The following PHC3 variants were observed in gnomAD, a reference collection of about 807,000 sequenced individuals.
PHC3 encodes the protein polyhomeotic-like protein 3.
Under a neutral mutation model 107.4 loss-of-function variants are expected in PHC3, and 13 were observed. That is an observed-to-expected ratio of 0.12 (90% CI 0.08 to 0.19). The LOEUF (loss-of-function observed/expected upper bound fraction) is 0.19. PHC3 is among the 10% of genes least tolerant of loss of function. PHC3 has a pLI of 1.00. For synonymous variants in PHC3, 456 were observed against 427.4 expected, an observed-to-expected ratio of 1.07 and a Z score of -0.83; for missense variants, 992 against 1,210.9, an observed-to-expected ratio of 0.82 and a Z score of 2.68.
At chr3:170,151,820 C>T (rs1261558321) in intron 4 of PHC3, among the ~76,000 whole-genome samples, 1 of 152,150 alleles carries the variant, frequency 6.6e-6, no homozygotes, top group Non-Finnish European at 1.5e-5. Context: ...CACATCCACA[C>T]TCCCTGTACG....
rs768598641 is a variant in PHC3 at position 170,113,445 on chromosome 3, T to C, written c.2268A>G (p.Ser756=). ...RPLLDNQVIN[S]VCVQPELQNN... is the part of the protein sequence containing the mutation. ...TCTGTAGCTCTGGCTGAACACACAC[T>C]GAATTTATCACCTGATTATCCAAAA... The change falls in exon 11 of 15, where the codon TCA becomes TCG. Residue 756 remains serine (S), a synonymous_variant. Coordinates refer to ENST00000495893, the MANE Select transcript of PHC3 (RefSeq NM_024947.4). 1.2e-6 allele frequency: 2 copies of C among 1,613,376 alleles called. No individual in the cohort carries two copies. The highest frequency in any genetic ancestry group is 1.7e-6 in the Non-Finnish European group (2 of 1,179,566).
At chr3:170,140,008 T>C (rs188833523) in intron 6 of PHC3, among the ~76,000 whole-genome samples, 4 of 152,178 alleles carry the variant, frequency 2.6e-5, no homozygotes, top group East Asian at 1.9e-4. Context: ...CACACTGTTA[T>C]AGAGGGCTTC....
chr3:170,126,528 A>ATATATATATATATT (rs370421296), intron 8 of PHC3, among the ~76,000 whole-genome samples: 23 of 90,616 alleles, frequency 2.5e-4, no homozygotes, highest in African/African-American at 1.0e-3. Context: ...ATATATATAT[A>ATATATATATATATT]TTTTTTTTTT....
chr3:170,143,533 A>G lies in PHC3; in HGVS notation c.672+1890T>C, dbSNP rs118182724. Among the ~76,000 whole-genome samples, 599 of 152,332 alleles carry G rather than the reference A, an allele frequency of 3.9e-3. 19 individuals carry two copies. In the East Asian group the frequency reaches 0.098, roughly 25 times the overall value. ...TTTTACCAGAAGATTGAGAACTATT[A>G]TATTACAAATAAGAAGCCAAAGATG... On this transcript the variant is annotated intron_variant, in intron 6 of 14. Coordinates refer to ENST00000495893, the MANE Select transcript of PHC3 (RefSeq NM_024947.4).
At chr3:170,164,578 A>G (rs1173577106) in intron 4 of PHC3, among the ~76,000 whole-genome samples, 1 of 152,164 alleles carries the variant, frequency 6.6e-6, no homozygotes, top group East Asian at 1.9e-4. Flanking sequence ...AAAAACTCTT[A>G]TGTTACATAT....
chr3:170,130,514 A>C (rs146570105), intron 7 of PHC3, among the ~76,000 whole-genome samples: 1,856 of 152,294 alleles, frequency 0.012, 40 homozygotes, highest in African/African-American at 0.042. Flanking sequence ...TAAGAACTCA[A>C]ATTTAGGGGC....
chr3:170,124,644 C>T (rs2108435369), intron 8 of PHC3, among the ~76,000 whole-genome samples: 1 of 152,314 alleles, frequency 6.6e-6, no homozygotes, highest in South Asian at 2.1e-4. Context: ...GGATTATAGG[C>T]ATGAGCCACT....
rs746369962 is a variant in PHC3, at chr3:170,136,677, A to AT, written c.673-13dup. 4 of 1,611,060 alleles carry AT rather than the reference A, an allele frequency of 2.5e-6. No individual in the cohort carries two copies. The Admixed American group carries it at 6.7e-5, about 27-fold the overall frequency. On this transcript the variant is annotated splice_polypyrimidine_tract_variant and intron_variant, in intron 6 of 14. Coordinates refer to ENST00000495893, the MANE Select transcript of PHC3 (RefSeq NM_024947.4). Reference sequence around the variant, plus strand: ...GTTAAATTCTGAACCTAAGAACCACATAACAGAAAATTAGGATGAAAACAG... The same window carrying AT: ...GTTAAATTCTGAACCTAAGAACCACATTAACAGAAAATTAGGATGAAAACAG...
chr3:170,137,559 T>A (rs1723307465), intron 6 of PHC3, among the ~76,000 whole-genome samples: 1 of 152,348 alleles, frequency 6.6e-6, no homozygotes, highest in South Asian at 2.1e-4. Flanking sequence ...AAGCAAATGA[T>A]ATACTGCTGC....
chr3:170,102,857 C>A lies in PHC3; in HGVS notation c.2546G>T (p.Arg849Leu). The change falls in exon 13 of 15, where the codon CGT (arginine) becomes CTT (leucine). Residue 849 changes from arginine to leucine, a missense_variant. Physicochemically the swap from Arg to Leu is moderately radical, Grantham distance 102. This residue lies in a region of PHC3 where 228 missense variants were observed against 288.8 expected (regional missense o/e 0.79). Transcript: ENST00000495893. ...ATCAGGGCCACTTGGACGACGGCCA[C>A]GATGCCCAAGACTTTGATTATCAGG... ...RKPDNQSLGHRGRRPSGPDGA... is the reference protein window; with the variant it reads ...RKPDNQSLGHLGRRPSGPDGA... 6.2e-7 allele frequency: 1 copy of A among 1,613,846 alleles called. No individual in the cohort carries two copies. The highest frequency in any genetic ancestry group is 8.5e-7 in the Non-Finnish European group (1 of 1,179,814).
intron 8 of PHC3, among the ~76,000 whole-genome samples, chr3:170,127,210 C>T (rs866197514): frequency 1.4e-4 from 22 of 152,300 alleles, no homozygotes; most frequent in African/African-American, 4.3e-4. Flanking sequence ...GACAAAGTCT[C>T]GCTCAGTTGC....
intron 7 of PHC3, among the ~76,000 whole-genome samples, chr3:170,132,577 C>T (rs945871323): frequency 1.3e-5 from 2 of 152,190 alleles, no homozygotes; most frequent in African/African-American, 4.8e-5. Context: ...GCTCCCTCCA[C>T]CCACCACACA....
intron 2 of PHC3, among the ~76,000 whole-genome samples, chr3:170,176,501 A>G (rs868478283): frequency 6.6e-6 from 1 of 152,236 alleles, no homozygotes; most frequent in Admixed American, 6.5e-5. Flanking sequence ...GGATTCTACC[A>G]GAAGAAAGCA....
chr3:170,165,582 C>T (rs530217553), intron 4 of PHC3, among the ~76,000 whole-genome samples: 71 of 151,522 alleles, frequency 4.7e-4, no homozygotes, highest in African/African-American at 1.6e-3. Flanking sequence ...GGAGAAACCC[C>T]GTCTCTACTA....
At chr3:170,109,695 A>G (rs2108315195) in intron 11 of PHC3, among the ~76,000 whole-genome samples, 1 of 152,282 alleles carries the variant, frequency 6.6e-6, no homozygotes, top group East Asian at 1.9e-4. Context: ...GGAAATCATA[A>G]TCAGTGTGAA....
intron 8 of PHC3, among the ~76,000 whole-genome samples, chr3:170,127,659 G>A (rs867615736): frequency 8.5e-5 from 13 of 152,136 alleles, no homozygotes; most frequent in African/African-American, 2.7e-4. Flanking sequence ...AAAATACTTC[G>A]AAACTCCTTT....
rs184740945 is a variant in PHC3, at chr3:170,136,015, T to C, written c.919+404A>G. Among the ~76,000 whole-genome samples the C allele has an allele frequency of 5.3e-5, 8 of 152,278 alleles. No homozygotes were observed. In the East Asian group the frequency reaches 1.5e-3, roughly 29 times the overall value. On this transcript the variant is annotated intron_variant, in intron 7 of 14. Coordinates refer to ENST00000495893, the MANE Select transcript of PHC3 (RefSeq NM_024947.4). The stretch of plus-strand genomic sequence containing the variant: ...AAAATAATTATGCATAATCCTATGT[T>C]TCAAAGTGACAAATTTCTCCCACTG...
In PHC3 at chr3:170,117,320, A is replaced by G. The variant is rs1577031032; in HGVS notation, c.2099T>C (p.Ile700Thr). 5 of 1,613,986 alleles carry G rather than the reference A, an allele frequency of 3.1e-6. No homozygotes were observed. The East Asian group carries it at 6.7e-5, about 22-fold the overall frequency. ...STSMHSSIPS[I>T]ENKPPQAIVK... ...AATAGCCTGTGGAGGTTTGTTCTCTATACTGGGAATGCTACTGTGCATAGA... is the reference window on the plus strand; with the variant it reads ...AATAGCCTGTGGAGGTTTGTTCTCTGTACTGGGAATGCTACTGTGCATAGA... The change falls in exon 10 of 15, where the codon ATA (isoleucine) becomes ACA (threonine). Residue 700 changes from isoleucine to threonine, a missense_variant. Ile to Thr is a moderately conservative substitution (Grantham distance 89). This residue lies in a region of PHC3 where 543 missense variants were observed against 590.8 expected (regional missense o/e 0.92). Coordinates refer to ENST00000495893, the MANE Select transcript of PHC3 (RefSeq NM_024947.4).
At chr3:170,148,014 G>A (rs988887384) in intron 5 of PHC3, 1 of 152,250 alleles carries the variant, frequency 6.6e-6, no homozygotes, top group African/African-American at 2.4e-5. Context: ...GTTCATGTCT[G>A]TAATCCCAGC....
Sources: allele counts gnomAD v4.1 joint callset (sites outside exome capture counted in the v4.1 genomes callset), GRCh38; gene constraint gnomAD v4.1.1; regional missense constraint gnomAD v4.1.1; transcripts MANE v1.5; gene names NCBI Gene and HGNC (gene_info 2026-07-23, HGNC 2026-07-21).